OLFML2B: variants seen among roughly 807,000 people sequenced by gnomAD.
OLFML2B encodes olfactomedin-like protein 2B.
A neutral mutation model predicts 74.9 loss-of-function variants in OLFML2B; 57 were observed. That is an observed-to-expected ratio of 0.76 (90% CI 0.61 to 0.95). OLFML2B has a LOEUF of 0.95. Ranked by LOEUF, OLFML2B falls within the 40% of genes least tolerant of loss-of-function variation. OLFML2B has a pLI of 0.00. For synonymous variants in OLFML2B, 388 were observed against 405.8 expected, an observed-to-expected ratio of 0.96 and a Z score of 0.53; for missense variants, 986 against 970.6, an observed-to-expected ratio of 1.02 and a Z score of -0.21.
chr1:161,988,545 C>G (rs1203627864), intron 6 of OLFML2B, among the ~76,000 whole-genome samples: 1 of 149,978 alleles, frequency 6.7e-6, no homozygotes, highest in East Asian at 2.0e-4. Flanking sequence ...AGCCACCCCC[C>G]ACCCCCGCTG....
chr1:162,001,998 G>A (rs879890857), intron 4 of OLFML2B, among the ~76,000 whole-genome samples: 83 of 152,220 alleles, frequency 5.5e-4, no homozygotes, highest in African/African-American at 1.6e-3. Flanking sequence ...CCTCCACAGA[G>A]CTGCTGCCCA....
chr1:162,013,449 T>C (rs1225644395), intron 3 of OLFML2B, among the ~76,000 whole-genome samples: 1 of 152,282 alleles, frequency 6.6e-6, no homozygotes, highest in South Asian at 2.1e-4. Context: ...AGTTATAGCC[T>C]CCAAATTGAC....
At chr1:161,991,540 G>T (rs1430108138) in intron 6 of OLFML2B, among the ~76,000 whole-genome samples, 1 of 152,160 alleles carries the variant, frequency 6.6e-6, no homozygotes, top group Non-Finnish European at 1.5e-5. Context: ...TTTGAGACCA[G>T]CCTGGCCAAC....
At chr1:162,010,889 A>G (rs1316214688) in intron 3 of OLFML2B, among the ~76,000 whole-genome samples, 1 of 152,106 alleles carries the variant, frequency 6.6e-6, no homozygotes, top group African/African-American at 2.4e-5. Context: ...TACCTCACCC[A>G]AGCTTGGCAC....
intron 1 of OLFML2B, among the ~76,000 whole-genome samples, chr1:162,021,152 G>A (rs1690694048): frequency 6.6e-6 from 1 of 152,226 alleles, no homozygotes. Flanking sequence ...TTTAATCTGG[G>A]CCTTGAAGGA....
chr1:161,992,719 G>C (rs1326863257), intron 6 of OLFML2B, among the ~76,000 whole-genome samples: 1 of 152,226 alleles, frequency 6.6e-6, no homozygotes, highest in Non-Finnish European at 1.5e-5. Context: ...TGGGGGAGCA[G>C]CAGATCACAC....
intron 6 of OLFML2B, among the ~76,000 whole-genome samples, chr1:161,989,746 T>G (rs1689684284): frequency 6.6e-6 from 1 of 152,204 alleles, no homozygotes; most frequent in African/African-American, 2.4e-5. Flanking sequence ...AAGATATGTG[T>G]GGCCACATTC....
chr1:161,989,120 C>T (rs1273194940), intron 6 of OLFML2B, among the ~76,000 whole-genome samples: 2 of 152,224 alleles, frequency 1.3e-5, no homozygotes, highest in East Asian at 1.9e-4. Flanking sequence ...CTCTCTGGCT[C>T]ATCTCTGCCC....
intron 3 of OLFML2B, among the ~76,000 whole-genome samples, chr1:162,011,964 T>G (rs530913361): frequency 1.1e-4 from 16 of 152,216 alleles, no homozygotes; most frequent in Non-Finnish European, 2.1e-4. Flanking sequence ...GCAAATTAGA[T>G]TTGAAGTATA....
intron 6 of OLFML2B, among the ~76,000 whole-genome samples, chr1:161,990,583 T>C (rs1028037525): frequency 2.6e-5 from 4 of 152,232 alleles, no homozygotes; most frequent in African/African-American, 9.6e-5. Flanking sequence ...AAGCCTTCAG[T>C]GGGTCGTCAT....
chr1:162,023,610 C>A lies in OLFML2B; in HGVS notation c.-180G>T, dbSNP rs1220732668. The A allele has an allele frequency of 6.1e-6, 3 of 492,280 alleles. No homozygotes were observed. The highest frequency in any genetic ancestry group is 1.0e-5 in the Non-Finnish European group (3 of 294,534). The allele number at this position is 492,280 out of a possible 1,614,324, so 30.5% of individuals were successfully genotyped here. A position where few individuals can be genotyped will look rare whatever the true frequency, so the allele number is the denominator to read the frequency against. On this transcript the variant is annotated 5_prime_UTR_variant, in exon 1 of 8. Transcript: ENST00000294794. ...GGTGCGCCCCAGAGACTCTGGGCAT[C>A]TCCTTCCCGACGCGAGCAGCCCTCG...
chr1:162,005,893 G>A (rs1167440263), intron 4 of OLFML2B, among the ~76,000 whole-genome samples: 1 of 117,008 alleles, frequency 8.5e-6, no homozygotes, highest in Non-Finnish European at 1.6e-5. Context: ...TGGCAGAGCT[G>A]GAACCTATCA....
At chr1:162,004,971 C>T (rs1358404286) in intron 4 of OLFML2B, among the ~76,000 whole-genome samples, 1 of 152,220 alleles carries the variant, frequency 6.6e-6, no homozygotes, top group Non-Finnish European at 1.5e-5. Context: ...ATGCTGCCAT[C>T]CCCTGGCTGC....
intron 3 of OLFML2B, among the ~76,000 whole-genome samples, chr1:162,008,322 G>C (rs144219972): frequency 1.3e-5 from 2 of 152,286 alleles, no homozygotes; most frequent in East Asian, 3.9e-4. Flanking sequence ...AAGAACTCAT[G>C]ACTAACCTCT....
At chr1:161,995,775 A>AGGGG (rs1478349600) in intron 6 of OLFML2B, among the ~76,000 whole-genome samples, 2 of 152,214 alleles carry the variant, frequency 1.3e-5, no homozygotes, top group African/African-American at 4.8e-5. Context: ...AAACTGTGGT[A>AGGGG]GGGGTGACAG....
At chr1:162,020,683 T>C (rs1690679268) in intron 1 of OLFML2B, among the ~76,000 whole-genome samples, 1 of 152,160 alleles carries the variant, frequency 6.6e-6, no homozygotes, top group South Asian at 2.1e-4. Context: ...CATGCTACCA[T>C]GCCCAGCTAA....
At chr1:161,986,736 C>T (rs1689601064) in intron 6 of OLFML2B, among the ~76,000 whole-genome samples, 2 of 152,206 alleles carry the variant, frequency 1.3e-5, no homozygotes, top group African/African-American at 2.4e-5. Context: ...CGCCACGCTC[C>T]TTCTGCACTG....
At chr1:162,015,564 G>T (rs2101977053) in intron 3 of OLFML2B, among the ~76,000 whole-genome samples, 1 of 152,352 alleles carries the variant, frequency 6.6e-6, no homozygotes, top group Middle Eastern at 3.4e-3. Flanking sequence ...TTTTCTTAAA[G>T]GGGCATTGCA....
intron 6 of OLFML2B, among the ~76,000 whole-genome samples, chr1:161,997,283 T>C (rs911398991): frequency 2.0e-5 from 3 of 152,232 alleles, no homozygotes; most frequent in Non-Finnish European, 4.4e-5. Context: ...TTCTTTTCTC[T>C]GTTTTTCCAT....
Sources: gnomAD v4.1 joint callset for allele counts (sites outside exome capture counted in the v4.1 genomes callset) on GRCh38, gnomAD v4.1.1 for gene constraint, MANE v1.5 for transcripts, NCBI Gene and HGNC (gene_info 2026-07-23, HGNC 2026-07-21) for gene names.